Variants in AFG2A observed in about 807,000 individuals in gnomAD.
AFG2A encodes AAA ATPase AFG2A, also known as ATPase family gene 2 protein homolog A.
At chr4:123,198,387 G>T in the AFG2A span, among the ~76,000 whole-genome samples, 1 of 152,062 alleles carries the variant, frequency 6.6e-6, no homozygotes, top group Admixed American at 6.6e-5. Context: ...ATGTATATGT[G>T]CACACACTGG....
the AFG2A span, among the ~76,000 whole-genome samples, chr4:123,177,313 C>A: frequency 0.022 from 3,415 of 152,002 alleles, 138 homozygotes; most frequent in African/African-American, 0.076. Context: ...CTGCCTCAGC[C>A]TCCCGAGTAG....
chr4:122,943,366 A>G, the AFG2A span, among the ~76,000 whole-genome samples: 1 of 152,202 alleles, frequency 6.6e-6, no homozygotes, highest in Non-Finnish European at 1.5e-5. Context: ...TTCGTGTTGA[A>G]TTGATCCCTT....
the AFG2A span, among the ~76,000 whole-genome samples, chr4:123,239,952 A>G: frequency 6.6e-6 from 1 of 152,222 alleles, no homozygotes; most frequent in Admixed American, 6.5e-5. Flanking sequence ...ACAGAGACAC[A>G]TACAGGCTCA....
chr4:123,036,273 G>T, the AFG2A span, among the ~76,000 whole-genome samples: 12 of 152,112 alleles, frequency 7.9e-5, no homozygotes, highest in Non-Finnish European at 2.9e-5. Context: ...TTGATTGTAT[G>T]TGAGAAATGA....
At chr4:123,258,054 A>G in the AFG2A span, among the ~76,000 whole-genome samples, 9 of 152,256 alleles carry the variant, frequency 5.9e-5, no homozygotes, top group Non-Finnish European at 1.3e-4. Flanking sequence ...CAGGAAAAGT[A>G]GCAGAAAATT....
At chr4:123,062,746 AAGAC>A in the AFG2A span, among the ~76,000 whole-genome samples, 1 of 152,206 alleles carries the variant, frequency 6.6e-6, no homozygotes, top group Non-Finnish European at 1.5e-5. Flanking sequence ...TTAGAGTAAA[AAGAC>A]AGTGCTGTGA....
At chr4:123,003,890 G>A in the AFG2A span, among the ~76,000 whole-genome samples, 24,503 of 152,126 alleles carry the variant, frequency 0.16, 2,430 homozygotes, top group East Asian at 0.45. Context: ...CTTTTTGTTT[G>A]TCTGTGCCCT....
the AFG2A span, among the ~76,000 whole-genome samples, chr4:122,930,310 A>C: frequency 6.6e-6 from 1 of 152,178 alleles, no homozygotes; most frequent in Non-Finnish European, 1.5e-5. Flanking sequence ...TCTTCTCAAA[A>C]ATCATTTACA....
the AFG2A span, among the ~76,000 whole-genome samples, chr4:122,936,686 A>T: frequency 2.0e-5 from 3 of 152,316 alleles, no homozygotes; most frequent in African/African-American, 7.2e-5. Context: ...CTGTTTAAAA[A>T]TAAAAATAAT....
the AFG2A span, chr4:123,256,201 A>ATTTCC: frequency 6.2e-7 from 1 of 1,612,170 alleles, no homozygotes; most frequent in Non-Finnish European, 8.5e-7. Context: ...TCCCTTCAAA[A>ATTTCC]TACCTTAGTG....
At chr4:122,989,889 T>C in the AFG2A span, among the ~76,000 whole-genome samples, 1 of 152,146 alleles carries the variant, frequency 6.6e-6, no homozygotes, top group South Asian at 2.1e-4. Context: ...ACGAAATCTC[T>C]CTTTGTTGCC....
At chr4:122,943,732 A>G in the AFG2A span, among the ~76,000 whole-genome samples, 1 of 152,162 alleles carries the variant, frequency 6.6e-6, no homozygotes, top group Non-Finnish European at 1.5e-5. Context: ...TCCTAGTCTC[A>G]ATGGTCTTTA....
the AFG2A span, among the ~76,000 whole-genome samples, chr4:122,948,885 G>A: frequency 1.3e-5 from 2 of 152,202 alleles, no homozygotes; most frequent in Non-Finnish European, 1.5e-5. Context: ...TTTCTGTCAT[G>A]AGATCCCTGG....
the AFG2A span, among the ~76,000 whole-genome samples, chr4:122,955,825 G>A: frequency 6.6e-6 from 1 of 152,150 alleles, no homozygotes; most frequent in Non-Finnish European, 1.5e-5. Flanking sequence ...GGTACATTTT[G>A]CTCTAGGACT....
the AFG2A span, among the ~76,000 whole-genome samples, chr4:123,204,961 G>A: frequency 6.6e-6 from 1 of 152,264 alleles, no homozygotes; most frequent in East Asian, 1.9e-4. Context: ...CTATAAATCA[G>A]TGCTCCCCTC....
At chr4:123,201,646 C>T in the AFG2A span, among the ~76,000 whole-genome samples, 6,303 of 152,204 alleles carry the variant, frequency 0.041, 203 homozygotes, top group South Asian at 0.092. Context: ...AGGCCAGGCA[C>T]GGTGGCTCAT....
chr4:123,038,177 T>A, the AFG2A span, among the ~76,000 whole-genome samples: 1 of 152,128 alleles, frequency 6.6e-6, no homozygotes, highest in Non-Finnish European at 1.5e-5. Context: ...GTTCTGCCAT[T>A]TGCTAAGCTG....
At chr4:122,967,592 C>T in the AFG2A span, among the ~76,000 whole-genome samples, 1 of 152,126 alleles carries the variant, frequency 6.6e-6, no homozygotes, top group African/African-American at 2.4e-5. Flanking sequence ...ATTTTGCACA[C>T]TAGTCAGCTT....
the AFG2A span, among the ~76,000 whole-genome samples, chr4:123,032,864 C>G: frequency 6.6e-6 from 1 of 152,216 alleles, no homozygotes; most frequent in East Asian, 1.9e-4. Flanking sequence ...TGCCACGTCA[C>G]TTTTTCCAAC....
Sources: allele counts gnomAD v4.1 joint callset (sites outside exome capture counted in the v4.1 genomes callset), GRCh38; gene constraint gnomAD v4.1.1; transcripts MANE v1.5; gene names NCBI Gene and HGNC (gene_info 2026-07-23, HGNC 2026-07-21).